The following CHD7 variants were observed in gnomAD, a reference collection of about 807,000 sequenced individuals.
The protein encoded by CHD7 is chromodomain helicase DNA binding protein 7, also known as ATP-dependent chromatin remodeler CHD7.
Under a neutral mutation model 307.3 loss-of-function variants are expected in CHD7, and 24 were observed. That is an observed-to-expected ratio of 0.08 (90% CI 0.06 to 0.11). The LOEUF is 0.11. Ranked by LOEUF, CHD7 falls within the 10% of genes least tolerant of loss-of-function variation. CHD7 has a pLI of 1.00. For synonymous variants in CHD7, 1,363 were observed against 1,349.9 expected, an observed-to-expected ratio of 1.01 and a Z score of -0.21; for missense variants, 3,106 against 3,727.1, an observed-to-expected ratio of 0.83 and a Z score of 4.34.
rs117672224 is a variant in CHD7 at position 60,690,552 on chromosome 8, C to T, written c.-175+11470C>T. On this transcript the variant is annotated intron_variant, in intron 1 of 37. Coordinates refer to ENST00000423902, the MANE Select transcript of CHD7 (RefSeq NM_017780.4). ...TTTTATAGGGAACTTTGTGGCTACT[C>T]TGGGGTGCTGAGAGCCTTCCATTTA... 8.0e-3 allele frequency among the ~76,000 whole-genome samples: 1,224 copies of T among 152,252 alleles called. 8 individuals are homozygous for T. The highest frequency in any genetic ancestry group is 0.013 in the Non-Finnish European group (898 of 68,018).
intron 36 of CHD7, 70 bp downstream of exon 36, chr8:60,862,406 T>G (rs986620568): frequency 5.9e-6 from 9 of 1,527,842 alleles, no homozygotes; most frequent in African/African-American, 4.1e-5. Flanking sequence ...TTATCCTGCC[T>G]TCTTCTATAG....
chr8:60,811,148 G>A lies in CHD7; in HGVS notation c.2498+2876G>A, dbSNP rs1343980739. Among the ~76,000 whole-genome samples the A allele has an allele frequency of 2.0e-5, 3 of 152,166 alleles. 1 individual carries two copies. The highest frequency in any genetic ancestry group is 1.9e-4 in the East Asian group (1 of 5,202). On this transcript the variant is annotated intron_variant, in intron 7 of 37. Transcript: ENST00000423902. ...GGTCCTTGGTGCCAAAAAGGTTGGG[G>A]CCTCATGATTTATTTGATACACAGT... is the stretch of plus-strand genomic sequence containing the variant.
intron 1 of CHD7, among the ~76,000 whole-genome samples, chr8:60,725,213 T>A (rs1224274085): frequency 6.6e-6 from 1 of 152,234 alleles, no homozygotes; most frequent in Non-Finnish European, 1.5e-5. Context: ...GGAAATGCAC[T>A]GATGGCAGGT....
intron 7 of CHD7, among the ~76,000 whole-genome samples, chr8:60,814,687 T>G (rs1803646755): frequency 6.6e-6 from 1 of 152,240 alleles, no homozygotes; most frequent in Non-Finnish European, 1.5e-5. Context: ...CCTCAGGTGA[T>G]CTGCCTGCCT....
chr8:60,785,355 T>TA (rs1348644648), intron 3 of CHD7, among the ~76,000 whole-genome samples: 2 of 152,228 alleles, frequency 1.3e-5, no homozygotes, highest in African/African-American at 4.8e-5. Flanking sequence ...TCCCTAGTAT[T>TA]AAACTTAGTA....
chr8:60,852,022 A>G lies in CHD7; in HGVS notation c.5669A>G (p.Lys1890Arg). Residue 1890 changes from lysine (K) to arginine (R), a missense_variant, in exon 29 of 38, where the codon AAG (lysine) becomes AGG (arginine). Physicochemically the swap from Lys to Arg is conservative, Grantham distance 26 (BLOSUM62 2). Around this residue, in one of 10 missense-constraint regions of CHD7, gnomAD observed 1,030 missense variants for 1,165.4 expected, o/e 0.88. Coordinates refer to ENST00000423902, the MANE Select transcript of CHD7 (RefSeq NM_017780.4). ...EESMEIHATG[K>R]HSESNAELGQ... ...AAATGTTTTTCCACTTCCCCAGGCA[A>G]GCACAGTGAGAGTAATGCTGAGTTA... 6.2e-7 allele frequency: 1 copy of G among 1,609,236 alleles called. No individual in the cohort carries two copies. The highest frequency in any genetic ancestry group is 2.2e-5 in the East Asian group (1 of 44,790).
In CHD7 at chr8:60,862,234, G is replaced by A. The variant is rs1338609969; in HGVS notation, c.7869G>A (p.Pro2623=). Residue 2623 remains proline (P), a synonymous_variant, in exon 36 of 38, where the codon CCG becomes CCA. Coordinates refer to ENST00000423902, the MANE Select transcript of CHD7 (RefSeq NM_017780.4). ...TGCTGTTTTCCTCATTTCAGAAACC[G>A]AAACAGAAACGACATAGATGTCGAA... ...ADVLFSSFQK[P]KQKRHRCRNP... is the part of the protein sequence containing the mutation. 1.9e-6 allele frequency: 3 copies of A among 1,610,846 alleles called. No individual in the cohort carries two copies. Among genetic ancestry groups the A allele is most frequent in the Non-Finnish European group, 1.7e-6 (2 of 1,178,356 alleles).
intron 19 of CHD7, 109 bp from the exon 20 acceptor site, chr8:60,841,535 A>G (rs1454609192): frequency 7.4e-6 from 6 of 812,368 alleles, no homozygotes; most frequent in Middle Eastern, 2.5e-4. Flanking sequence ...AGTGTCTGGC[A>G]TAAGTGGAGG....
chr8:60,753,917 G>A lies in CHD7; in HGVS notation c.1665+10820G>A, dbSNP rs554487170. ...TGGGTTTACAGGTGTGAGCCACCGCGCCCTGCTGCAAATCATTAAATCAGT... is the reference window on the plus strand; with the variant it reads ...TGGGTTTACAGGTGTGAGCCACCGCACCCTGCTGCAAATCATTAAATCAGT... On this transcript the variant is annotated intron_variant, in intron 2 of 37. Transcript: ENST00000423902. 1.1e-4 allele frequency among the ~76,000 whole-genome samples: 16 copies of A among 152,120 alleles called. No homozygotes were observed. The South Asian group carries it at 2.3e-3, about 22-fold the overall frequency.
At chr8:60,778,732 C>G (rs1811067778) in intron 2 of CHD7, among the ~76,000 whole-genome samples, 1 of 152,204 alleles carries the variant, frequency 6.6e-6, no homozygotes, top group Non-Finnish European at 1.5e-5. Context: ...TAAGTTTGAT[C>G]TCCGTGTCCT....
At position 60,849,213 on chromosome 8, in the gene CHD7, C is replaced by T; in HGVS notation, c.5404+59C>T. On this transcript the variant is annotated intron_variant, in intron 25 of 37. Coordinates refer to ENST00000423902, the MANE Select transcript of CHD7 (RefSeq NM_017780.4). ...TGTATGGCTTGGTCTTTATTTAGAA[C>T]TCTTTACATACTCTTTTCCAAAGTC... 2.9e-6 allele frequency: 3 copies of T among 1,044,634 alleles called. No homozygotes were observed. The South Asian group carries it at 4.2e-5, about 15-fold the overall frequency. 64.7% of individuals were successfully genotyped at this position (1,044,634 alleles called of 1,614,324 possible).
At chr8:60,799,305 A>T (rs1812184493) in intron 4 of CHD7, among the ~76,000 whole-genome samples, 1 of 152,184 alleles carries the variant, frequency 6.6e-6, no homozygotes, top group South Asian at 2.1e-4. Context: ...TTAAGTTTTG[A>T]TAGATAGGAC....
chr8:60,853,781 T>A (rs1380098460), intron 31 of CHD7, among the ~76,000 whole-genome samples: 1 of 152,196 alleles, frequency 6.6e-6, no homozygotes, highest in Non-Finnish European at 1.5e-5. Flanking sequence ...TGAGTGACAG[T>A]GTATTAAGAA....
chr8:60,735,605 G>A (rs965843979), intron 1 of CHD7, among the ~76,000 whole-genome samples: 16 of 152,236 alleles, frequency 1.1e-4, no homozygotes, highest in African/African-American at 3.4e-4. Flanking sequence ...GGAGACATAG[G>A]TTGTAAGTAT....
chr8:60,689,381 T>G (rs1806079605), intron 1 of CHD7, among the ~76,000 whole-genome samples: 1 of 152,246 alleles, frequency 6.6e-6, no homozygotes, highest in Non-Finnish European at 1.5e-5. Flanking sequence ...GAACTATTTC[T>G]GCTGAATCCT....
chr8:60,728,547 A>G (rs1332700942), intron 1 of CHD7, among the ~76,000 whole-genome samples: 1 of 152,088 alleles, frequency 6.6e-6, no homozygotes, highest in Non-Finnish European at 1.5e-5. Flanking sequence ...CTTTTTTTTG[A>G]GACAGTCTCG....
chr8:60,718,368 G>A (rs946510141), intron 1 of CHD7, among the ~76,000 whole-genome samples: 2 of 152,002 alleles, frequency 1.3e-5, no homozygotes, highest in African/African-American at 2.4e-5. Context: ...TCAGATACTC[G>A]GGAGGCTGAG....
chr8:60,829,578 G>A (rs28667506), intron 14 of CHD7, among the ~76,000 whole-genome samples: 10,482 of 152,218 alleles, frequency 0.069, 1,033 homozygotes, highest in African/African-American at 0.22. Flanking sequence ...TCCAGCCTGG[G>A]TGACACAGTG....
chr8:60,780,556 G>A (rs1368180216), intron 2 of CHD7, among the ~76,000 whole-genome samples: 1 of 152,194 alleles, frequency 6.6e-6, no homozygotes, highest in Non-Finnish European at 1.5e-5. Context: ...ATCTTGCAAT[G>A]TTCAGTATAC....
Sources: gnomAD v4.1 joint callset for allele counts (sites outside exome capture counted in the v4.1 genomes callset) on GRCh38, gnomAD v4.1.1 for gene constraint, gnomAD v4.1.1 regional missense constraint, MANE v1.5 for transcripts, NCBI Gene and HGNC (gene_info 2026-07-23, HGNC 2026-07-21) for gene names.